The following MYO7B variants were observed in gnomAD, a reference collection of about 807,000 sequenced individuals.
MYO7B encodes myosin VIIB.
MYO7B carries 212 observed loss-of-function variants against 259.7 expected under a neutral mutation model. That is an observed-to-expected ratio of 0.82 (90% CI 0.73 to 0.91). MYO7B has a LOEUF of 0.91. Ranked by LOEUF, MYO7B falls within the 40% of genes least tolerant of loss-of-function variation. The pLI is 0.00. For missense variants in MYO7B, 2,732 were observed against 2,813.5 expected, an observed-to-expected ratio of 0.97 and a Z score of 0.66; for synonymous variants, 1,197 against 1,166.4, an observed-to-expected ratio of 1.03 and a Z score of -0.54.
In MYO7B at chr2:127,577,767, C is replaced by G. The variant is rs565916661; in HGVS notation, c.850-366C>G. ...CGGTCACTGGCTCCCTGCCTGCCCC[C>G]CTGGATGCGCAGCACAGGGCCTGGC... On this transcript the variant is annotated intron_variant, in intron 8 of 47. Coordinates refer to ENST00000409816, the MANE Select transcript of MYO7B (RefSeq NM_001393586.1). This position sits in a 1 kb window ranked among gnomAD's most constrained non-coding sequence, Gnocchi z 5.2. Among the ~76,000 whole-genome samples, 3 of 152,250 alleles carry G rather than the reference C, an allele frequency of 2.0e-5. No individual in the cohort carries two copies. The highest frequency in any genetic ancestry group is 4.8e-5 in the African/African-American group (2 of 41,472).
chr2:127,620,513 G>A (rs1680793845), intron 27 of MYO7B, 47 bp downstream of exon 27: 2 of 1,453,252 alleles, frequency 1.4e-6, no homozygotes, highest in Non-Finnish European at 1.8e-6. Flanking sequence ...AGGTTCTGGT[G>A]GGAGCGTAGG....
chr2:127,635,286 T>C, intron 43 of MYO7B, 60 bp downstream of exon 43: 1 of 1,496,256 alleles, frequency 6.7e-7, no homozygotes, highest in African/African-American at 1.4e-5. Context: ...ACACCTGTTC[T>C]GAGGCTGTAG....
Position 127,576,734 on chromosome 2 carries a change from A to G in MYO7B, c.849+26A>G, listed in dbSNP as rs773931460. The G allele has an allele frequency of 1.9e-5, 28 of 1,483,546 alleles. No homozygotes were observed. The highest frequency in any genetic ancestry group is 2.6e-5 in the Non-Finnish European group (28 of 1,067,310). 91.9% of individuals were successfully genotyped at this position (1,483,546 alleles called of 1,614,324 possible). ...GTGAGCTGCCCACCTGCCGCCTCCC[A>G]GTAGCCAGTGGAAGGGAGGAAAAAG... is the stretch of plus-strand genomic sequence containing the variant. On this transcript the variant is annotated intron_variant, in intron 8 of 47. Transcript: ENST00000409816. The surrounding 1 kb of genome is among the most constrained non-coding windows in gnomAD (Gnocchi z 4.9).
chr2:127,626,872 A>C (rs911716865), intron 31 of MYO7B, 103 bp from the exon 32 acceptor site: 1 of 1,087,268 alleles, frequency 9.2e-7, no homozygotes, highest in African/African-American at 1.6e-5. Flanking sequence ...GGCCTTGTAG[A>C]GCCTTCTCAG....
In MYO7B at chr2:127,584,840, A is replaced by G; in HGVS notation, c.1617A>G (p.Leu539=). 1 of 1,613,966 alleles carries G rather than the reference A, an allele frequency of 6.2e-7. No individual in the cohort carries two copies. The highest frequency in any genetic ancestry group is 1.1e-5 in the South Asian group (1 of 91,078). ...TCCATGCCAACAACAAGGCCTTCCTACAGCCCAAGAACATCCACGATGCCA... is the reference window on the plus strand; with the variant it reads ...TCCATGCCAACAACAAGGCCTTCCTGCAGCCCAAGAACATCCACGATGCCA... ...NSVHANNKAF[L]QPKNIHDARF... Residue 539 remains leucine, a synonymous_variant, in exon 14 of 48, where the codon CTA becomes CTG. Transcript: ENST00000409816. This position sits in a 1 kb window ranked among gnomAD's most constrained non-coding sequence, Gnocchi z 5.8.
chr2:127,635,134 C>T lies in MYO7B; in HGVS notation c.5728C>T (p.Leu1910Phe), dbSNP rs913856484. 1 of 1,612,752 alleles carries T rather than the reference C, an allele frequency of 6.2e-7. No individual in the cohort carries two copies. Among genetic ancestry groups the T allele is most frequent in the Non-Finnish European group, 8.5e-7 (1 of 1,179,544 alleles). Residue 1910 changes from leucine (L) to phenylalanine (F), a missense_variant, in exon 43 of 48, where the codon CTC becomes TTC. This residue lies in a region of MYO7B where 821 missense variants were observed against 769.3 expected (regional missense o/e 1.07). Coordinates refer to ENST00000409816, the MANE Select transcript of MYO7B (RefSeq NM_001393586.1). ...CCCTCGCCCAGGGGCCCCCGTGACGCTCCCCTACCAGGTGTACTTCATGCG... is the reference window on the plus strand; with the variant it reads ...CCCTCGCCCAGGGGCCCCCGTGACGTTCCCCTACCAGGTGTACTTCATGCG... ...KPQKEGAPVT[L>F]PYQVYFMRKL...
intron 27 of MYO7B, 75 bp from the exon 28 acceptor site, chr2:127,621,907 G>C: frequency 6.5e-7 from 1 of 1,544,832 alleles, no homozygotes; most frequent in Non-Finnish European, 8.8e-7. Flanking sequence ...TAATTCTTAA[G>C]TCCACCTGGG....
intron 26 of MYO7B, among the ~76,000 whole-genome samples, chr2:127,618,363 A>AC (rs1680671897): frequency 6.6e-6 from 1 of 152,124 alleles, no homozygotes; most frequent in Admixed American, 6.5e-5. Flanking sequence ...GACAGCCCCC[A>AC]CCCCAAGCTT....
chr2:127,580,443 C>T (rs901076955), intron 9 of MYO7B, among the ~76,000 whole-genome samples: 3 of 152,246 alleles, frequency 2.0e-5, no homozygotes, highest in Non-Finnish European at 4.4e-5. Context: ...TGCTGTGTTT[C>T]CCAAGTCAGA....
Position 127,615,169 on chromosome 2 carries a change from C to G in MYO7B, c.3398+2566C>G, listed in dbSNP as rs900128021. 1.3e-5 allele frequency among the ~76,000 whole-genome samples: 2 copies of G among 152,120 alleles called. No homozygotes were observed. Among genetic ancestry groups the G allele is most frequent in the African/African-American group, 4.8e-5 (2 of 41,430 alleles). On this transcript the variant is annotated intron_variant, in intron 26 of 47. Coordinates refer to ENST00000409816, the MANE Select transcript of MYO7B (RefSeq NM_001393586.1). The surrounding 1 kb of genome is among the most constrained non-coding windows in gnomAD (Gnocchi z 4.4). ...TAAGATGGAGGTCTGTTCAGGGCCC[C>G]ACAGGTGCACCAAGGAGGAGTGGCC...
chr2:127,590,070 T>C lies in MYO7B; in HGVS notation c.1855-22T>C. On this transcript the variant is annotated intron_variant, in intron 15 of 47. Coordinates refer to ENST00000409816, the MANE Select transcript of MYO7B (RefSeq NM_001393586.1). The surrounding 1 kb of genome is among the most constrained non-coding windows in gnomAD (Gnocchi z 4.6). Reference sequence around the variant, plus strand: ...GGACATGGCTCCTGAGACCCACTTGTGCTCTGTGCTTCCATTCACAGTCTG... The same window carrying C: ...GGACATGGCTCCTGAGACCCACTTGCGCTCTGTGCTTCCATTCACAGTCTG... The C allele has an allele frequency of 6.4e-7, 1 of 1,559,400 alleles. No individual in the cohort carries two copies. The highest frequency in any genetic ancestry group is 8.7e-7 in the Non-Finnish European group (1 of 1,151,924).
intron 5 of MYO7B, among the ~76,000 whole-genome samples, chr2:127,568,605 G>A (rs767408196): frequency 6.6e-6 from 1 of 152,186 alleles, no homozygotes; most frequent in Non-Finnish European, 1.5e-5. Flanking sequence ...TTTAAAAAAG[G>A]TAATATTTTG....
chr2:127,584,122 C>CT lies in MYO7B; in HGVS notation c.1346dup (p.Glu450ArgfsTer175). ...CTGGGCAGTGACCTTGCCTCCACAG[C>CT]TTCGAGCAGCTCTGCATCAACTTCG... On this transcript the variant is annotated frameshift_variant and splice_region_variant, in exon 13 of 48. Coordinates refer to ENST00000409816, the MANE Select transcript of MYO7B (RefSeq NM_001393586.1). LOFTEE classifies it high-confidence loss of function. This position sits in a 1 kb window ranked among gnomAD's most constrained non-coding sequence, Gnocchi z 5.8. 6.2e-7 allele frequency: 1 copy of CT among 1,611,592 alleles called. No individual in the cohort carries two copies. Among genetic ancestry groups the CT allele is most frequent in the Non-Finnish European group, 8.5e-7 (1 of 1,178,822 alleles).
At chr2:127,626,876 T>G (rs1252831480) in intron 31 of MYO7B, 99 bp from the exon 32 acceptor site, 1 of 1,146,884 alleles carries the variant, frequency 8.7e-7, no homozygotes, top group Non-Finnish European at 1.3e-6. Flanking sequence ...TTGTAGAGCC[T>G]TCTCAGAAGG....
At chr2:127,610,098 A>G in intron 24 of MYO7B, 82 bp downstream of exon 24, 2 of 1,524,638 alleles carry the variant, frequency 1.3e-6, no homozygotes, top group East Asian at 2.4e-5. Flanking sequence ...GCAGCTGGAC[A>G]GGACGGAGAG....
Position 127,593,531 on chromosome 2 carries a change from G to A in MYO7B, c.2146-15G>A, listed in dbSNP as rs749547309. ...TGCCCCACCTCCCACCGATACCCCCGTTTGGTCTTGGCAGCTGCAAGGCAA... is the reference window on the plus strand; with the variant it reads ...TGCCCCACCTCCCACCGATACCCCCATTTGGTCTTGGCAGCTGCAAGGCAA... On this transcript the variant is annotated splice_polypyrimidine_tract_variant and intron_variant, in intron 17 of 47. Coordinates refer to ENST00000409816, the MANE Select transcript of MYO7B (RefSeq NM_001393586.1). 1.9e-6 allele frequency: 3 copies of A among 1,611,434 alleles called. No homozygotes were observed. Among genetic ancestry groups the A allele is most frequent in the South Asian group, 2.2e-5 (2 of 90,932 alleles).
chr2:127,607,263 C>A lies in MYO7B; in HGVS notation c.2482C>A (p.Gln828Lys). Residue 828 changes from glutamine (Q) to lysine (K), a missense_variant, in exon 21 of 48, where the codon CAG becomes AAG. By Grantham distance (53) the Gln-to-Lys change is moderately conservative (BLOSUM62 1). Coordinates refer to ENST00000409816, the MANE Select transcript of MYO7B (RefSeq NM_001393586.1). The surrounding 1 kb of genome is among the most constrained non-coding windows in gnomAD (Gnocchi z 4.4). ...TGCCCGGAGCCAGCCGCTGGCGAGG[C>A]AGTACCAGGCCATGCGGCAGAGGAC... The part of the protein sequence containing the change: ...AIARSQPLAR[Q>K]YQAMRQRTVQ... 6.4e-7 allele frequency: 1 copy of A among 1,551,138 alleles called. No homozygotes were observed.
chr2:127,578,097 G>A, intron 8 of MYO7B, 36 bp from the exon 9 acceptor site: 1 of 1,610,696 alleles, frequency 6.2e-7, no homozygotes, highest in Non-Finnish European at 8.5e-7. Context: ...GTGGGGCAGG[G>A]GATGGCCCCA....
At chr2:127,537,126 G>A (rs772435896) in intron 1 of MYO7B, among the ~76,000 whole-genome samples, 3 of 152,218 alleles carry the variant, frequency 2.0e-5, no homozygotes, top group Admixed American at 6.5e-5. Context: ...CTGATGAGCC[G>A]AGCAGAGGAG....
Sources: allele counts gnomAD v4.1 joint callset (sites outside exome capture counted in the v4.1 genomes callset), GRCh38; gene constraint gnomAD v4.1.1; regional missense constraint gnomAD v4.1.1; non-coding constraint Gnocchi (gnomAD v3.1); transcripts MANE v1.5; gene names NCBI Gene and HGNC (gene_info 2026-07-23, HGNC 2026-07-21).